BLTP3A: variants seen among roughly 807,000 people sequenced by gnomAD.
BLTP3A encodes ICBP90 binding protein 1.
the BLTP3A span, among the ~76,000 whole-genome samples, chr6:34,864,691 G>A: frequency 6.6e-6 from 1 of 152,194 alleles, no homozygotes; most frequent in African/African-American, 2.4e-5. Context: ...ATCTAGGCTG[G>A]GCACAGTGGC....
chr6:34,853,552 A>C, the BLTP3A span, among the ~76,000 whole-genome samples: 5 of 151,794 alleles, frequency 3.3e-5, no homozygotes, highest in Non-Finnish European at 7.4e-5. Context: ...TCCTCCTCTA[A>C]AAATTCTTTT....
At chr6:34,854,911 G>A in the BLTP3A span, among the ~76,000 whole-genome samples, 2 of 152,112 alleles carry the variant, frequency 1.3e-5, no homozygotes, top group Admixed American at 1.3e-4. Flanking sequence ...CACATGCAGA[G>A]GAAATACTTT....
chr6:34,836,163 C>T, the BLTP3A span: 4 of 1,613,856 alleles, frequency 2.5e-6, no homozygotes, highest in Admixed American at 3.3e-5. Context: ...TAGATCACTC[C>T]ACCAGCCCCC....
the BLTP3A span, chr6:34,872,321 A>AC: frequency 1.2e-6 from 2 of 1,605,978 alleles, no homozygotes; most frequent in Non-Finnish European, 1.7e-6. Context: ...AGGTGAAAGA[A>AC]CTGCCTATCC....
At chr6:34,826,851 A>G in the BLTP3A span, among the ~76,000 whole-genome samples, 3 of 152,146 alleles carry the variant, frequency 2.0e-5, no homozygotes, top group African/African-American at 7.2e-5. Context: ...GGATTCTTTT[A>G]TACAACTTTA....
chr6:34,845,889 G>A, the BLTP3A span, among the ~76,000 whole-genome samples: 1 of 151,624 alleles, frequency 6.6e-6, no homozygotes, highest in South Asian at 2.1e-4. Flanking sequence ...GAGCCACCGC[G>A]CCCGGCCTAA....
the BLTP3A span, among the ~76,000 whole-genome samples, chr6:34,801,041 T>C: frequency 1.3e-5 from 2 of 152,202 alleles, no homozygotes; most frequent in Non-Finnish European, 2.9e-5. Context: ...TGGCTAGGCC[T>C]AGATATATTA....
At chr6:34,802,608 G>A in the BLTP3A span, among the ~76,000 whole-genome samples, 1,906 of 152,090 alleles carry the variant, frequency 0.013, 18 homozygotes, top group Middle Eastern at 0.024. Context: ...TGATCCGCCT[G>A]CCTCGGCCTC....
the BLTP3A span, chr6:34,872,304 G>T: frequency 1.9e-6 from 3 of 1,600,944 alleles, no homozygotes; most frequent in African/African-American, 1.4e-5. Context: ...ACTACTTATT[G>T]TTCCTCAGGT....
chr6:34,871,598 C>G, the BLTP3A span: 2 of 1,613,038 alleles, frequency 1.2e-6, no homozygotes, highest in Non-Finnish European at 1.7e-6. Context: ...ATATCCCCCC[C>G]ATCTATCCAA....
chr6:34,815,988 G>T, the BLTP3A span, among the ~76,000 whole-genome samples: 1 of 152,302 alleles, frequency 6.6e-6, no homozygotes, highest in South Asian at 2.1e-4. Flanking sequence ...AGATCCATGT[G>T]ATCAGAGGAC....
chr6:34,834,760 A>G, the BLTP3A span: 2 of 1,614,174 alleles, frequency 1.2e-6, no homozygotes, highest in African/African-American at 1.3e-5. Flanking sequence ...AACACTCCGA[A>G]TTGAGGCAGA....
At chr6:34,818,407 T>C in the BLTP3A span, among the ~76,000 whole-genome samples, 1 of 151,216 alleles carries the variant, frequency 6.6e-6, no homozygotes, top group African/African-American at 2.4e-5. Context: ...AGGTTGAGGC[T>C]GCAGTGAGCC....
the BLTP3A span, among the ~76,000 whole-genome samples, chr6:34,808,409 G>T: frequency 1.9e-4 from 27 of 141,500 alleles, no homozygotes; most frequent in Non-Finnish European, 3.7e-4. Flanking sequence ...GGCAAACAGA[G>T]AATTAATATA....
chr6:34,862,847 AC>A, the BLTP3A span, among the ~76,000 whole-genome samples: 1 of 150,828 alleles, frequency 6.6e-6, no homozygotes, highest in African/African-American at 2.4e-5. Context: ...AAAAAAAAAA[AC>A]CAAAAACATA....
At chr6:34,835,571 T>A in the BLTP3A span, 7 of 1,298,722 alleles carry the variant, frequency 5.4e-6, no homozygotes, top group Non-Finnish European at 7.3e-6. Context: ...AATTTGTCAT[T>A]TACTTCTGGG....
chr6:34,865,626 T>C, the BLTP3A span, among the ~76,000 whole-genome samples: 1 of 152,242 alleles, frequency 6.6e-6, no homozygotes, highest in Non-Finnish European at 1.5e-5. Flanking sequence ...ATAATGCCCA[T>C]ATTAATTTAC....
chr6:34,850,316 A>G, the BLTP3A span, among the ~76,000 whole-genome samples: 1 of 152,000 alleles, frequency 6.6e-6, no homozygotes, highest in Non-Finnish European at 1.5e-5. Flanking sequence ...GAGTTTGTTT[A>G]TTAAATGCCT....
chr6:34,851,731 G>A, the BLTP3A span, among the ~76,000 whole-genome samples: 7 of 152,266 alleles, frequency 4.6e-5, no homozygotes, highest in African/African-American at 9.6e-5. Context: ...AGCTCAGGGC[G>A]GGATCCAAGA....
Sources: allele counts gnomAD v4.1 joint callset (sites outside exome capture counted in the v4.1 genomes callset), GRCh38; gene constraint gnomAD v4.1.1; transcripts MANE v1.5; gene names NCBI Gene and HGNC (gene_info 2026-07-23, HGNC 2026-07-21).